The following BMPR2 variants were observed in gnomAD, a reference collection of about 807,000 sequenced individuals.
The protein encoded by BMPR2 is bone morphogenetic protein receptor type-2.
A neutral mutation model predicts 100.8 loss-of-function variants in BMPR2; 29 were observed. The observed-to-expected ratio is 0.29, with a 90% CI of 0.21 to 0.39. The LOEUF is 0.39. Ranked by LOEUF, BMPR2 falls within the 10% of genes least tolerant of loss-of-function variation. The pLI is 1.00. For synonymous variants in BMPR2, 382 were observed against 442.3 expected (o/e 0.86, Z 1.71); for missense variants, 1,011 against 1,274.5 (o/e 0.79, Z 3.15).
chr2:202,512,090 T>C (rs949951953), intron 3 of BMPR2, among the ~76,000 whole-genome samples: 3 of 152,138 alleles, frequency 2.0e-5, no homozygotes, highest in Non-Finnish European at 4.4e-5. Context: ...ATTTCAGTGT[T>C]GTTTCAACAT....
In BMPR2 at chr2:202,451,239, A is replaced by G. The variant is rs980800520; in HGVS notation, c.77-13570A>G. ...ATTCACTTATAGATCCTACTTTTCA[A>G]TTATAGGTTATGCCTAGGATTCTGT... On this transcript the variant is annotated intron_variant, in intron 1 of 12. Coordinates refer to ENST00000374580, the MANE Select transcript of BMPR2 (RefSeq NM_001204.7). Among the ~76,000 whole-genome samples the G allele has an allele frequency of 3.9e-5, 6 of 152,322 alleles. No individual in the cohort carries two copies. In the South Asian group the frequency reaches 1.0e-3, roughly 26 times the overall value.
intron 3 of BMPR2, among the ~76,000 whole-genome samples, chr2:202,485,364 G>C (rs1325189631): frequency 6.6e-6 from 1 of 151,776 alleles, no homozygotes; most frequent in Non-Finnish European, 1.5e-5. Context: ...GGTATTGGCT[G>C]AGTTGGTTCC....
At chr2:202,431,966 C>T (rs769435098) in intron 1 of BMPR2, among the ~76,000 whole-genome samples, 2 of 150,472 alleles carry the variant, frequency 1.3e-5, no homozygotes, top group Non-Finnish European at 2.9e-5. Context: ...AAGTTTCTTA[C>T]GTTTTTCCAG....
intron 1 of BMPR2, among the ~76,000 whole-genome samples, chr2:202,421,144 G>A (rs945536945): frequency 1.3e-5 from 2 of 151,728 alleles, no homozygotes; most frequent in African/African-American, 2.4e-5. Flanking sequence ...CCAGGTACCC[G>A]GGAGGCTGAG....
In BMPR2 at chr2:202,495,916, A is replaced by C. The variant is rs1693016861; in HGVS notation, c.419-17803A>C. On this transcript the variant is annotated intron_variant, in intron 3 of 12. Coordinates refer to ENST00000374580, the MANE Select transcript of BMPR2 (RefSeq NM_001204.7). This position sits in a 1 kb window ranked among gnomAD's most constrained non-coding sequence, Gnocchi z 4.5. ...AACTGTATGAGAAGACTCATTATAC[A>C]GAGTTTTGGAAGTAGGAGGACCTTA... 6.6e-6 allele frequency among the ~76,000 whole-genome samples: 1 copy of C among 152,256 alleles called. No homozygotes were observed. Among genetic ancestry groups the C allele is most frequent in the Non-Finnish European group, 1.5e-5 (1 of 68,046 alleles).
At position 202,398,818 on chromosome 2, in the gene BMPR2, C is replaced by A. The variant is rs1178893865; in HGVS notation, c.76+21268C>A. ...ATCTGGATCCCTGACTTCAATGGCACTTATGTACTTGTTAAGAAGACAGAT... is the reference window on the plus strand; with the variant it reads ...ATCTGGATCCCTGACTTCAATGGCAATTATGTACTTGTTAAGAAGACAGAT... On this transcript the variant is annotated intron_variant, in intron 1 of 12. Coordinates refer to ENST00000374580, the MANE Select transcript of BMPR2 (RefSeq NM_001204.7). 2.0e-5 allele frequency among the ~76,000 whole-genome samples: 3 copies of A among 152,168 alleles called. No individual in the cohort carries two copies. In the East Asian group the frequency reaches 5.8e-4, roughly 29 times the overall value.
rs1329587658 is a variant in BMPR2 at position 202,527,682 on chromosome 2, G to T, written c.968-3112G>T. Among the ~76,000 whole-genome samples the T allele has an allele frequency of 4.0e-5, 6 of 150,598 alleles. No homozygotes were observed. In the East Asian group the frequency reaches 6.0e-4, roughly 15 times the overall value. ...GGCGCCTGTAGTCCCAGCTACTCGGGAGGCTGAGGCAGGAGAATGGCGTGA... is the reference window on the plus strand; with the variant it reads ...GGCGCCTGTAGTCCCAGCTACTCGGTAGGCTGAGGCAGGAGAATGGCGTGA... On this transcript the variant is annotated intron_variant, in intron 7 of 12. Coordinates refer to ENST00000374580, the MANE Select transcript of BMPR2 (RefSeq NM_001204.7).
At chr2:202,520,063 T>TTC in intron 6 of BMPR2, 24 bp from the exon 7 acceptor site, 1 of 1,486,256 alleles carries the variant, frequency 6.7e-7, no homozygotes, top group Admixed American at 1.7e-5. Context: ...CTTTTTTTTT[T>TTC]TTCGCATTTT....
In BMPR2 at chr2:202,530,257, C is replaced by G. The variant is rs184308158; in HGVS notation, c.968-537C>G. 2.0e-3 allele frequency among the ~76,000 whole-genome samples: 298 copies of G among 152,174 alleles called. 1 individual carries two copies. Among genetic ancestry groups the G allele is most frequent in the Admixed American group, 3.3e-3 (51 of 15,280 alleles). On this transcript the variant is annotated intron_variant, in intron 7 of 12. Transcript: ENST00000374580. ...ATACCACTTCCTCCACTTGTTTTTCCAAACCATTGTAAAACTATTTGTGGT... is the reference window on the plus strand; with the variant it reads ...ATACCACTTCCTCCACTTGTTTTTCGAAACCATTGTAAAACTATTTGTGGT...
chr2:202,564,513 C>G lies in BMPR2; in HGVS notation c.*4567C>G, dbSNP rs1457368401. ...CTGTTACTGGCAGTTTACTCTCCAG[C>G]ATATAAGGTTGCATTTTAACTTTTA... On this transcript the variant is annotated 3_prime_UTR_variant, in exon 13 of 13. Coordinates refer to ENST00000374580, the MANE Select transcript of BMPR2 (RefSeq NM_001204.7). 1.3e-5 allele frequency: 2 copies of G among 152,178 alleles called. No homozygotes were observed. Among genetic ancestry groups the G allele is most frequent in the African/African-American group, 4.8e-5 (2 of 41,446 alleles). The allele number at this position is 152,178 out of a possible 1,614,324, so 9.4% of individuals were successfully genotyped here.
intron 1 of BMPR2, among the ~76,000 whole-genome samples, chr2:202,390,878 AT>A (rs1690532987): frequency 6.6e-6 from 1 of 151,256 alleles, no homozygotes; most frequent in Non-Finnish European, 1.5e-5. Flanking sequence ...ACTTTATGCA[AT>A]TACAACTGCT....
At chr2:202,487,619 C>A (rs1416326472) in intron 3 of BMPR2, among the ~76,000 whole-genome samples, 1 of 152,186 alleles carries the variant, frequency 6.6e-6, no homozygotes, top group Non-Finnish European at 1.5e-5. Flanking sequence ...CTGTATTGCA[C>A]CACAATCAAG....
intron 3 of BMPR2, among the ~76,000 whole-genome samples, chr2:202,488,191 G>C: frequency 6.6e-6 from 1 of 152,054 alleles, no homozygotes; most frequent in African/African-American, 2.4e-5. Flanking sequence ...ATCCCTATCC[G>C]TGAACTCCTG....
At chr2:202,478,193 A>G (rs1287272544) in intron 3 of BMPR2, among the ~76,000 whole-genome samples, 1 of 152,148 alleles carries the variant, frequency 6.6e-6, no homozygotes, top group African/African-American at 2.4e-5. Context: ...GTGGTTTGAA[A>G]TGGCCTGCAA....
At chr2:202,517,935 C>G (rs1687744469) in intron 5 of BMPR2, among the ~76,000 whole-genome samples, 1 of 147,962 alleles carries the variant, frequency 6.8e-6, no homozygotes, top group Admixed American at 6.7e-5. Flanking sequence ...GCCTCAGCCT[C>G]CTGAGTAAGT....
rs560281581 is a variant in BMPR2 at position 202,466,243 on chromosome 2, C to A, written c.247+1264C>A. On this transcript the variant is annotated intron_variant, in intron 2 of 12. Transcript: ENST00000374580. The stretch of plus-strand genomic sequence containing the variant: ...AAAGTACTGTTCATTTATATTCTCT[C>A]CAACACTGTATGAACGTGTCTGTGT... Among the ~76,000 whole-genome samples, 4 of 152,258 alleles carry A rather than the reference C, an allele frequency of 2.6e-5. No homozygotes were observed. In the South Asian group the frequency reaches 8.3e-4, roughly 32 times the overall value.
chr2:202,548,941 T>G (rs1300089585), intron 10 of BMPR2, among the ~76,000 whole-genome samples: 1 of 152,176 alleles, frequency 6.6e-6, no homozygotes, highest in Non-Finnish European at 1.5e-5. Context: ...TTTTGATATA[T>G]GTATACACCC....
rs1300762819 is a variant in BMPR2 at position 202,441,063 on chromosome 2, G to A, written c.77-23746G>A. On this transcript the variant is annotated intron_variant, in intron 1 of 12. Transcript: ENST00000374580. ...TGGCACAATCTTGGCTCACTGCAAC[G>A]TCTCCCTCCTGGGTTCAAGCAAATC... is the stretch of plus-strand genomic sequence containing the variant. Among the ~76,000 whole-genome samples, 3 of 149,978 alleles carry A rather than the reference G, an allele frequency of 2.0e-5. No individual in the cohort carries two copies. In the East Asian group the frequency reaches 5.8e-4, roughly 29 times the overall value.
rs533486468 is a variant in BMPR2, at chr2:202,454,250, T to C, written c.77-10559T>C. ...ACACCTGGCTAATTTTTTGTATTTT[T>C]GGTAGAGATAGGGTTTTGCCACGTT... On this transcript the variant is annotated intron_variant, in intron 1 of 12. Transcript: ENST00000374580. Among the ~76,000 whole-genome samples, 16 of 152,144 alleles carry C rather than the reference T, an allele frequency of 1.1e-4. No homozygotes were observed. In the East Asian group the frequency reaches 3.1e-3, roughly 29 times the overall value.
Sources: allele counts gnomAD v4.1 joint callset (sites outside exome capture counted in the v4.1 genomes callset), GRCh38; gene constraint gnomAD v4.1.1; non-coding constraint Gnocchi (gnomAD v3.1); transcripts MANE v1.5; gene names NCBI Gene and HGNC (gene_info 2026-07-23, HGNC 2026-07-21).